TOX3: variants seen among roughly 807,000 people sequenced by gnomAD.
TOX3 encodes CAG trinucleotide repeat-containing gene F9 protein.
Under a neutral mutation model 64.3 loss-of-function variants are expected in TOX3, and 22 were observed. The ratio of observed to expected loss-of-function variants is 0.34; its 90% CI spans 0.24 to 0.49. The LOEUF (loss-of-function observed/expected upper bound fraction) is 0.49. TOX3 is among the 20% of genes least tolerant of loss of function. The pLI is 0.99. For missense variants in TOX3, 661 were observed against 714.4 expected (o/e 0.93, Z 0.85); for synonymous variants, 291 against 273.6 (o/e 1.06, Z -0.63).
At chr16:52,519,100 T>C (rs1962530453) in intron 1 of TOX3, among the ~76,000 whole-genome samples, 1 of 152,182 alleles carries the variant, frequency 6.6e-6, no homozygotes, top group Non-Finnish European at 1.5e-5. Context: ...AGGGAAATGG[T>C]ATCATGCGAG....
At chr16:52,485,246 G>GTATATATA (rs34195222) in intron 1 of TOX3, among the ~76,000 whole-genome samples, 1,429 of 127,802 alleles carry the variant, frequency 0.011, 41 homozygotes, top group East Asian at 0.1. Context: ...ATGTGTGTGT[G>GTATATATA]TATATATATA....
At chr16:52,491,787 C>T (rs185683719) in intron 1 of TOX3, among the ~76,000 whole-genome samples, 21 of 152,260 alleles carry the variant, frequency 1.4e-4, no homozygotes, top group Admixed American at 2.6e-4. Context: ...AGTGTTATCT[C>T]CATCCTTAGA....
intron 1 of TOX3, among the ~76,000 whole-genome samples, chr16:52,505,276 C>T (rs1596837348): frequency 1.3e-5 from 2 of 152,200 alleles, no homozygotes; most frequent in South Asian, 2.1e-4. Context: ...TAAGAATCAA[C>T]GCAATCAAAT....
At chr16:52,502,867 C>CA (rs1962040495) in intron 1 of TOX3, among the ~76,000 whole-genome samples, 1 of 152,004 alleles carries the variant, frequency 6.6e-6, no homozygotes, top group Non-Finnish European at 1.5e-5. Context: ...AAATTGGGGT[C>CA]AAAAAACTTT....
chr16:52,541,320 T>C (rs1021242530), intron 1 of TOX3, among the ~76,000 whole-genome samples: 4 of 152,216 alleles, frequency 2.6e-5, no homozygotes, highest in Non-Finnish European at 5.9e-5. Context: ...GGTTTGAGCA[T>C]CATTTGTTGC....
intron 1 of TOX3, among the ~76,000 whole-genome samples, chr16:52,530,448 G>A (rs1055380130): frequency 4.0e-5 from 6 of 151,282 alleles, no homozygotes; most frequent in East Asian, 1.9e-4. Context: ...GCAATTCTCC[G>A]GCCTCAATCT....
intron 2 of TOX3, among the ~76,000 whole-genome samples, chr16:52,464,527 G>A (rs375985081): frequency 4.6e-5 from 7 of 152,104 alleles, no homozygotes; most frequent in African/African-American, 1.4e-4. Context: ...AGCTCAAACC[G>A]CTGACACTAT....
chr16:52,546,461 G>A (rs188362130), intron 1 of TOX3, among the ~76,000 whole-genome samples, 176 bp downstream of exon 1: 14 of 152,270 alleles, frequency 9.2e-5, no homozygotes, highest in Non-Finnish European at 1.8e-4. Flanking sequence ...AGCGGCGTGG[G>A]ATGGGGCAGA....
intron 3 of TOX3, among the ~76,000 whole-genome samples, chr16:52,459,209 G>A (rs1361735529): frequency 2.0e-5 from 3 of 152,000 alleles, no homozygotes; most frequent in East Asian, 1.9e-4. Flanking sequence ...CAAGATACTC[G>A]AGAAGCTGAG....
At chr16:52,544,618 C>A (rs966139658) in intron 1 of TOX3, among the ~76,000 whole-genome samples, 2 of 152,172 alleles carry the variant, frequency 1.3e-5, no homozygotes, top group African/African-American at 4.8e-5. Context: ...TAAGAAAATA[C>A]GACAGTAAGC....
chr16:52,531,704 G>A (rs1466840679), intron 1 of TOX3, among the ~76,000 whole-genome samples: 1 of 152,086 alleles, frequency 6.6e-6, no homozygotes, highest in African/African-American at 2.4e-5. Context: ...GCAAATCTGC[G>A]AACACATTGC....
intron 1 of TOX3, among the ~76,000 whole-genome samples, chr16:52,537,409 C>G (rs1962976026): frequency 6.6e-6 from 1 of 152,126 alleles, no homozygotes. Context: ...GAAGGGCGTT[C>G]CTAATATAAA....
chr16:52,541,318 C>T (rs1205045358), intron 1 of TOX3, among the ~76,000 whole-genome samples: 2 of 152,142 alleles, frequency 1.3e-5, no homozygotes, highest in East Asian at 3.9e-4. Context: ...CGGGTTTGAG[C>T]ATCATTTGTT....
At chr16:52,534,824 G>A (rs1962916356) in intron 1 of TOX3, among the ~76,000 whole-genome samples, 1 of 152,132 alleles carries the variant, frequency 6.6e-6, no homozygotes, top group Non-Finnish European at 1.5e-5. Context: ...TCAAAATTTT[G>A]TTACCAAGAG....
rs551225571 is a variant in TOX3, at chr16:52,498,760, G to T, written c.88-30186C>A. Among the ~76,000 whole-genome samples the T allele has an allele frequency of 3.7e-4, 56 of 152,338 alleles. 2 individuals carry two copies. The South Asian group carries it at 9.7e-3, about 27-fold the overall frequency. The stretch of plus-strand genomic sequence containing the variant: ...AAAGGGAAACCACAGGATAAAACTG[G>T]TCCGTGCATATCCTGCTTCCCCGTG... On this transcript the variant is annotated intron_variant, in intron 1 of 6. Transcript: ENST00000219746.
chr16:52,491,796 G>T (rs1271362198), intron 1 of TOX3, among the ~76,000 whole-genome samples: 1 of 152,156 alleles, frequency 6.6e-6, no homozygotes, highest in East Asian at 1.9e-4. Context: ...TCCATCCTTA[G>T]AGAGGGGAAC....
chr16:52,461,985 A>T (rs1421182129), intron 3 of TOX3, among the ~76,000 whole-genome samples: 1 of 152,134 alleles, frequency 6.6e-6, no homozygotes, highest in Non-Finnish European at 1.5e-5. Context: ...CTGTCCTAGT[A>T]CATTTTATTT....
chr16:52,525,682 T>C (rs1035064038), intron 1 of TOX3, among the ~76,000 whole-genome samples: 1 of 152,104 alleles, frequency 6.6e-6, no homozygotes, highest in Admixed American at 6.5e-5. Context: ...TGCAAGTGCG[T>C]GCATGCCTGC....
At chr16:52,496,417 A>G (rs556242804) in intron 1 of TOX3, among the ~76,000 whole-genome samples, 20 of 152,230 alleles carry the variant, frequency 1.3e-4, no homozygotes, top group Non-Finnish European at 2.6e-4. Flanking sequence ...CAATATTTAC[A>G]GGGTACGTTA....
Sources: allele counts gnomAD v4.1 joint callset (sites outside exome capture counted in the v4.1 genomes callset), GRCh38; gene constraint gnomAD v4.1.1; transcripts MANE v1.5; gene names NCBI Gene and HGNC (gene_info 2026-07-23, HGNC 2026-07-21).